Variants in EGLN2 observed in about 807,000 individuals in gnomAD.
The protein encoded by EGLN2 is egl-9 family hypoxia inducible factor 2.
EGLN2 carries 15 observed loss-of-function variants against 38.2 expected under a neutral mutation model. The observed-to-expected ratio is 0.39, with a 90% CI of 0.26 to 0.60. EGLN2 has a LOEUF of 0.60. EGLN2 is among the 20% of genes least tolerant of loss of function. The probability of loss-of-function intolerance (pLI) is 0.50; values close to 1 mark genes in which losing one functional copy is unlikely to be tolerated. For synonymous variants in EGLN2, 284 were observed against 237.4 expected (o/e 1.20, Z -1.81); for missense variants, 492 against 570.4 (o/e 0.86, Z 1.40).
chr19:40,806,785 T>G, intron 3 of EGLN2, 111 bp downstream of exon 3: 1 of 1,439,664 alleles, frequency 6.9e-7, no homozygotes. Context: ...TTCTCCTGTT[T>G]CTCTTCTCAA....
At chr19:40,799,360 C>A (rs2083232904) in intron 1 of EGLN2, 98 bp downstream of exon 1, 1 of 145,388 alleles carries the variant, frequency 6.9e-6, no homozygotes, top group Admixed American at 6.8e-5. Context: ...CGCGCCGGGG[C>A]CTGCCGGGGC....
intron 3 of EGLN2, 169 bp from the exon 4 acceptor site, chr19:40,806,969 C>G: frequency 3.6e-6 from 4 of 1,108,144 alleles, no homozygotes; most frequent in Non-Finnish European, 5.1e-6. Flanking sequence ...AGCTTCCTGC[C>G]CATCTCCATG....
At chr19:40,806,766 A>G (rs1010394058) in intron 3 of EGLN2, 92 bp downstream of exon 3, 1 of 1,513,590 alleles carries the variant, frequency 6.6e-7, no homozygotes, top group Non-Finnish European at 9.0e-7. Context: ...CTCAGCCCAG[A>G]TTCTGGCATT....
intron 1 of EGLN2, 37 bp from the exon 2 acceptor site, chr19:40,800,302 T>G: frequency 4.6e-6 from 2 of 431,972 alleles, no homozygotes; most frequent in East Asian, 3.7e-5. Flanking sequence ...CTGTCTCTAG[T>G]TTCTCTCACA....
Position 40,807,475 on chromosome 19 carries a change from G to C in EGLN2, c.1101-9G>C, listed in dbSNP as rs566290717. 585 of 1,614,086 alleles carry C rather than the reference G, an allele frequency of 3.6e-4. 9 individuals are homozygous for C. The South Asian group carries it at 5.0e-3, about 14-fold the overall frequency. On this transcript the variant is annotated splice_polypyrimidine_tract_variant and intron_variant, in intron 4 of 5. Coordinates refer to ENST00000303961, the MANE Select transcript of EGLN2 (RefSeq NM_080732.4). Reference sequence around the variant, plus strand: ...CAGAAAACTAATGTCCAACCACCCTGGTCTCCAGGTACGCCATCACTGTCT... The same window carrying C: ...CAGAAAACTAATGTCCAACCACCCTCGTCTCCAGGTACGCCATCACTGTCT...
At chr19:40,806,521 C>T in intron 2 of EGLN2, 34 bp from the exon 3 acceptor site, 1 of 1,612,682 alleles carries the variant, frequency 6.2e-7, no homozygotes, top group Non-Finnish European at 8.5e-7. Flanking sequence ...GCCTGCCTAG[C>T]CCCAGTAAAC....
At chr19:40,806,510 T>C (rs748746778) in intron 2 of EGLN2, 45 bp from the exon 3 acceptor site, 6 of 1,610,038 alleles carry the variant, frequency 3.7e-6, no homozygotes, top group Non-Finnish European at 5.1e-6. Context: ...CTCTAAGATG[T>C]GCCTGCCTAG....
intron 2 of EGLN2, among the ~76,000 whole-genome samples, chr19:40,803,893 C>T (rs1190148631): frequency 1.3e-5 from 2 of 152,040 alleles, no homozygotes; most frequent in South Asian, 2.1e-4. Context: ...TCTTTGGTCT[C>T]CTGGCCCTGG....
At position 40,807,808 on chromosome 19, in the gene EGLN2, G is replaced by C; in HGVS notation, c.1169-1G>C. On this transcript the variant is annotated splice_acceptor_variant, in intron 5 of 5. Coordinates refer to ENST00000303961, the MANE Select transcript of EGLN2 (RefSeq NM_080732.4). LOFTEE classifies it high-confidence loss of function. ...TGTCTCCTGTCCCCTCTCACCCCCA[G>C]CATCAGGACAGAAAGGTGTCCAAGT... The C allele has an allele frequency of 6.2e-7, 1 of 1,614,080 alleles. No individual in the cohort carries two copies. Among genetic ancestry groups the C allele is most frequent in the East Asian group, 2.2e-5 (1 of 44,890 alleles).
intron 3 of EGLN2, 165 bp from the exon 4 acceptor site, chr19:40,806,973 C>A: frequency 8.7e-7 from 1 of 1,146,070 alleles, no homozygotes. Flanking sequence ...TCCTGCCCAT[C>A]TCCATGGTGA....
intron 2 of EGLN2, among the ~76,000 whole-genome samples, chr19:40,802,421 C>A (rs1599759843): frequency 6.6e-6 from 1 of 152,202 alleles, no homozygotes; most frequent in South Asian, 2.1e-4. Flanking sequence ...TGTGTCACTT[C>A]CTCCCTACCC....
chr19:40,801,013 G>A lies in EGLN2; in HGVS notation c.441G>A (p.Glu147=). ...AAGAGAACCAGGAGGCAGAGCGGGA[G>A]GGTGGCATGAGCTGCAGCTGCAGCA... ...ARQENQEAER[E]GGMSCSCSSG... Residue 147 remains glutamate, a synonymous_variant, in exon 2 of 6, where the codon GAG becomes GAA. Transcript: ENST00000303961. 6.2e-7 allele frequency: 1 copy of A among 1,613,162 alleles called. No individual in the cohort carries two copies. Among genetic ancestry groups the A allele is most frequent in the Non-Finnish European group, 8.5e-7 (1 of 1,179,812 alleles).
intron 3 of EGLN2, 50 bp downstream of exon 3, chr19:40,806,724 G>A (rs779518790): frequency 8.8e-6 from 14 of 1,597,202 alleles, no homozygotes; most frequent in Non-Finnish European, 1.1e-5. Context: ...GGGCTGGGGC[G>A]GGGGTGGCGT....
chr19:40,807,207 G>C lies in EGLN2; in HGVS notation c.1033G>C (p.Asp345His). 6.2e-7 allele frequency: 1 copy of C among 1,614,176 alleles called. No individual in the cohort carries two copies. Among genetic ancestry groups the C allele is most frequent in the Non-Finnish European group, 8.5e-7 (1 of 1,180,022 alleles). Residue 345 changes from aspartate to histidine, a missense_variant, in exon 4 of 6, where the codon GAC becomes CAC. Coordinates refer to ENST00000303961, the MANE Select transcript of EGLN2 (RefSeq NM_080732.4). Reference protein sequence around the residue: ...PVVANIEPLFDRLLIFWSDRR... With the variant: ...PVVANIEPLFHRLLIFWSDRR... ...GGTAGCCAACATCGAGCCACTCTTT[G>C]ACCGGTTGCTCATTTTCTGGTCTGA...
At chr19:40,801,444 G>A in intron 2 of EGLN2, 29 bp downstream of exon 2, 1 of 1,584,534 alleles carries the variant, frequency 6.3e-7, no homozygotes, top group Non-Finnish European at 8.5e-7. Context: ...CTCTTTGGAG[G>A]GGCTTTGCAG....
chr19:40,800,534 C>T lies in EGLN2; in HGVS notation c.-39C>T, dbSNP rs372887849. 5.9e-6 allele frequency: 9 copies of T among 1,533,348 alleles called. No homozygotes were observed. The highest frequency in any genetic ancestry group is 2.7e-5 in the African/African-American group (2 of 73,622). 95.0% of individuals were successfully genotyped at this position (1,533,348 alleles called of 1,614,324 possible). On this transcript the variant is annotated 5_prime_UTR_variant, in exon 2 of 6. Transcript: ENST00000303961. ...AGGAGGGTGGCACCATGGGCCCGGG[C>T]GGTGCCCTCCATGCCCGGGGGATGA... is the stretch of plus-strand genomic sequence containing the variant.
rs1270349160 is a variant in EGLN2, at chr19:40,801,493, G to A, written c.843+78G>A. ...AGCATTCAGTGCTCTGAGCACAGTG[G>A]GTTTGGAGACAGGCTTCTGGGAGGT... On this transcript the variant is annotated intron_variant, in intron 2 of 5. Coordinates refer to ENST00000303961, the MANE Select transcript of EGLN2 (RefSeq NM_080732.4). 12 of 1,530,624 alleles carry A rather than the reference G, an allele frequency of 7.8e-6. No homozygotes were observed. In the Admixed American group the frequency reaches 2.1e-4, roughly 27 times the overall value. 94.8% of individuals were successfully genotyped at this position (1,530,624 alleles called of 1,614,324 possible). A position where few individuals can be genotyped will look rare whatever the true frequency, so the allele number is the denominator to read the frequency against.
At chr19:40,807,394 C>T (rs2083312900) in intron 4 of EGLN2, 90 bp from the exon 5 acceptor site, 3 of 1,603,362 alleles carry the variant, frequency 1.9e-6, no homozygotes, top group Non-Finnish European at 1.7e-6. Flanking sequence ...GGGAGCAGAA[C>T]CGGGTGGCTC....
At chr19:40,806,355 A>G in intron 2 of EGLN2, 200 bp from the exon 3 acceptor site, 1 of 1,053,106 alleles carries the variant, frequency 9.5e-7, no homozygotes, top group Non-Finnish European at 1.3e-6. Flanking sequence ...GAGGCCCAGG[A>G]GCTGAGGTTT....
Sources: allele counts gnomAD v4.1 joint callset (sites outside exome capture counted in the v4.1 genomes callset), GRCh38; gene constraint gnomAD v4.1.1; transcripts MANE v1.5; gene names NCBI Gene and HGNC (gene_info 2026-07-23, HGNC 2026-07-21).